DLG5: variants seen among roughly 807,000 people sequenced by gnomAD.
DLG5 encodes discs large MAGUK scaffold protein 5, also known as disks large homolog 5.
Under a neutral mutation model 189.8 loss-of-function variants are expected in DLG5, and 48 were observed. That is an observed-to-expected ratio of 0.25 (90% confidence interval 0.20 to 0.32). The LOEUF (loss-of-function observed/expected upper bound fraction) is 0.32. Among genes scored for constraint, DLG5 ranks in the 10% least tolerant of loss-of-function variants. DLG5 has a pLI of 1.00. For synonymous variants in DLG5, 1,016 were observed against 1,054.1 expected, an observed-to-expected ratio of 0.96 and a Z score of 0.70; for missense variants, 2,160 against 2,544.7, an observed-to-expected ratio of 0.85 and a Z score of 3.25.
chr10:77,919,846 T>C (rs1201761851), intron 1 of DLG5, among the ~76,000 whole-genome samples: 3 of 152,110 alleles, frequency 2.0e-5, no homozygotes, highest in Non-Finnish European at 2.9e-5. Context: ...TGTGTACATC[T>C]GGGGCTTGCT....
chr10:77,806,718 A>AGGGCG, intron 26 of DLG5, 40 bp downstream of exon 26: 1 of 1,333,652 alleles, frequency 7.5e-7, no homozygotes, highest in Non-Finnish European at 1.1e-6. Flanking sequence ...GCCCTCGGCG[A>AGGGCG]CCCCTGCCCC....
At chr10:77,860,581 G>A (rs966940609) in intron 2 of DLG5, among the ~76,000 whole-genome samples, 1 of 152,190 alleles carries the variant, frequency 6.6e-6, no homozygotes, top group Non-Finnish European at 1.5e-5. Flanking sequence ...GATTACAGGC[G>A]TGAGGCACTG....
chr10:77,882,096 G>T (rs545296242), intron 1 of DLG5, among the ~76,000 whole-genome samples: 1 of 152,270 alleles, frequency 6.6e-6, no homozygotes, highest in South Asian at 2.1e-4. Flanking sequence ...CAGCAACTAG[G>T]GCTCCTGAGG....
In DLG5 at chr10:77,806,991, C is replaced by T. The variant is rs540724902; in HGVS notation, c.4797-63G>A. 8.6e-5 allele frequency: 135 copies of T among 1,563,222 alleles called. No individual in the cohort carries two copies. In the East Asian group the frequency reaches 2.5e-3, roughly 29 times the overall value. ...CTGGCCACCAAGGACGAACCAGGTGCCTTCTGTGGCCAGGCCCCTAAGGCT... is the reference window on the plus strand; with the variant it reads ...CTGGCCACCAAGGACGAACCAGGTGTCTTCTGTGGCCAGGCCCCTAAGGCT... On this transcript the variant is annotated intron_variant, in intron 25 of 31. Coordinates refer to ENST00000372391, the MANE Select transcript of DLG5 (RefSeq NM_004747.4).
intron 20 of DLG5, among the ~76,000 whole-genome samples, chr10:77,813,182 C>A (rs879273886): frequency 2.6e-5 from 4 of 152,356 alleles, no homozygotes; most frequent in South Asian, 4.1e-4. Flanking sequence ...TGGGACTTCA[C>A]GCCACTCAGG....
intron 7 of DLG5, among the ~76,000 whole-genome samples, chr10:77,836,415 G>A (rs529128751): frequency 3.9e-5 from 6 of 152,144 alleles, no homozygotes; most frequent in South Asian, 2.1e-4. Flanking sequence ...TCCTCCTCCC[G>A]CTTGAGGCTT....
intron 1 of DLG5, among the ~76,000 whole-genome samples, chr10:77,919,349 T>C (rs1846465531): frequency 6.6e-6 from 1 of 152,040 alleles, no homozygotes; most frequent in Non-Finnish European, 1.5e-5. Context: ...AATCCTGATG[T>C]AGAGCTGGAA....
intron 25 of DLG5, among the ~76,000 whole-genome samples, 182 bp downstream of exon 25, chr10:77,807,614 G>A (rs576465923): frequency 6.6e-6 from 1 of 152,158 alleles, no homozygotes; most frequent in African/African-American, 2.4e-5. Context: ...AGCCCTAAAG[G>A]GTTGTTCTAA....
intron 1 of DLG5, among the ~76,000 whole-genome samples, chr10:77,902,537 A>C (rs546791216): frequency 4.1e-4 from 63 of 152,276 alleles, no homozygotes; most frequent in African/African-American, 1.4e-3. Context: ...CATAAATCTC[A>C]ATCAGGCAAG....
intron 1 of DLG5, among the ~76,000 whole-genome samples, chr10:77,883,146 T>TGAA (rs1307660373): frequency 1.3e-5 from 2 of 152,028 alleles, no homozygotes; most frequent in African/African-American, 4.8e-5. Context: ...CAGGAACCTG[T>TGAA]CTCCAGCAAC....
chr10:77,817,146 C>G (rs751244102), intron 18 of DLG5, 50 bp from the exon 19 acceptor site: 3 of 1,493,888 alleles, frequency 2.0e-6, no homozygotes, highest in Non-Finnish European at 2.8e-6. Flanking sequence ...TTAAACACCA[C>G]CCTGTCCTTC....
chr10:77,864,547 G>A (rs1044436862), intron 2 of DLG5, among the ~76,000 whole-genome samples: 1 of 152,226 alleles, frequency 6.6e-6, no homozygotes, highest in Non-Finnish European at 1.5e-5. Context: ...AGCTTCACTA[G>A]AGAACCTGCT....
At chr10:77,856,966 G>T (rs1292772813) in intron 2 of DLG5, 74 bp from the exon 3 acceptor site, 3 of 1,435,140 alleles carry the variant, frequency 2.1e-6, no homozygotes, top group South Asian at 1.3e-5. Context: ...GTCCTGAGCT[G>T]TTGGCTTGTG....
chr10:77,925,642 T>C (rs937412640), intron 1 of DLG5, among the ~76,000 whole-genome samples: 9 of 152,240 alleles, frequency 5.9e-5, no homozygotes, highest in African/African-American at 2.2e-4. Context: ...TCCCCAACTT[T>C]TCCGGGCCCA....
intron 7 of DLG5, among the ~76,000 whole-genome samples, chr10:77,839,330 G>C (rs906283967): frequency 1.3e-5 from 2 of 152,008 alleles, no homozygotes; most frequent in Admixed American, 1.3e-4. Flanking sequence ...GCGAAACCCC[G>C]TCTCTACTAA....
intron 2 of DLG5, chr10:77,866,806 T>A: frequency 2.7e-6 from 1 of 370,204 alleles, no homozygotes. Context: ...TGGGAGCTCA[T>A]ACATTTCCTG....
At chr10:77,898,114 G>A (rs568130469) in intron 1 of DLG5, among the ~76,000 whole-genome samples, 2 of 152,290 alleles carry the variant, frequency 1.3e-5, no homozygotes, top group South Asian at 2.1e-4. Context: ...CTTCCTCCCA[G>A]GAGCCAGAAC....
chr10:77,839,708 G>A (rs1300767238), intron 7 of DLG5, among the ~76,000 whole-genome samples: 1 of 152,228 alleles, frequency 6.6e-6, no homozygotes, highest in Non-Finnish European at 1.5e-5. Context: ...ACCAGGATGT[G>A]AACATGAGTT....
Position 77,854,338 on chromosome 10 carries a change from C to T in DLG5, c.569G>A (p.Arg190Lys), listed in dbSNP as rs528458798. 6.2e-7 allele frequency: 1 copy of T among 1,614,148 alleles called. No individual in the cohort carries two copies. The highest frequency in any genetic ancestry group is 2.2e-5 in the East Asian group (1 of 44,882). The change falls in exon 4 of 32, where the codon AGG becomes AAG. Residue 190 changes from arginine to lysine, a missense_variant. By Grantham distance (26) the Arg-to-Lys change is conservative (BLOSUM62 2). Coordinates refer to ENST00000372391, the MANE Select transcript of DLG5 (RefSeq NM_004747.4). ...GGCTCGCACGCACTGGATCTTCAGC[C>T]TCTCATAGTCAGGATTCAGCCTGTG... is the stretch of plus-strand genomic sequence containing the variant. Reference protein sequence around the residue: ...PYHRLNPDYERLKIQCVRAMS... With the variant: ...PYHRLNPDYEKLKIQCVRAMS...
Sources: gnomAD v4.1 joint callset for allele counts (sites outside exome capture counted in the v4.1 genomes callset) on GRCh38, gnomAD v4.1.1 for gene constraint, MANE v1.5 for transcripts, NCBI Gene and HGNC (gene_info 2026-07-23, HGNC 2026-07-21) for gene names.